Variants in KCNG4 observed in about 807,000 individuals in gnomAD.
The protein encoded by KCNG4 is voltage-gated potassium channel regulatory subunit KCNG4.
A neutral mutation model predicts 28.2 loss-of-function variants in KCNG4; 30 were observed. The ratio of observed to expected loss-of-function variants is 1.06; its 90% CI spans 0.80 to 1.44. The LOEUF (loss-of-function observed/expected upper bound fraction) is 1.44, where lower values mean the gene tolerates loss of function less well. Ranked by LOEUF, KCNG4 falls within the 40% of genes most tolerant of loss-of-function variation. The pLI is 0.00. For missense variants in KCNG4, 879 were observed against 712.3 expected (o/e 1.23, Z -2.66); for synonymous variants, 375 against 315.5 (o/e 1.19, Z -2.00).
At chr16:84,227,145 G>A (rs1450193093) in intron 2 of KCNG4, among the ~76,000 whole-genome samples, 2 of 152,214 alleles carry the variant, frequency 1.3e-5, no homozygotes, top group Non-Finnish European at 2.9e-5. Flanking sequence ...ATCACTACTG[G>A]TGGGGATGTA....
Sources: gnomAD v4.1 joint callset for allele counts (sites outside exome capture counted in the v4.1 genomes callset) on GRCh38, gnomAD v4.1.1 for gene constraint, MANE v1.5 for transcripts, NCBI Gene and HGNC (gene_info 2026-07-23, HGNC 2026-07-21) for gene names.